Variants in RFX3 observed in about 807,000 individuals in gnomAD.
RFX3 encodes transcription factor RFX3.
Under a neutral mutation model 98.6 loss-of-function variants are expected in RFX3, and 14 were observed. The ratio of observed to expected loss-of-function variants is 0.14; its 90% confidence interval spans 0.09 to 0.22. RFX3 has a LOEUF of 0.22. RFX3 is among the 10% of genes least tolerant of loss of function. The pLI is 1.00. For synonymous variants in RFX3, 383 were observed against 328.4 expected, an observed-to-expected ratio of 1.17 and a Z score of -1.80; for missense variants, 639 against 926.9, an observed-to-expected ratio of 0.69 and a Z score of 4.03.
intron 6 of RFX3, among the ~76,000 whole-genome samples, chr9:3,292,045 G>C (rs539878827): frequency 4.6e-5 from 3 of 65,286 alleles, no homozygotes; most frequent in African/African-American, 1.8e-4. Flanking sequence ...AACAGAAACA[G>C]AGTGAGACTC....
At chr9:3,389,007 G>T (rs1456184651) in intron 2 of RFX3, among the ~76,000 whole-genome samples, 1 of 151,976 alleles carries the variant, frequency 6.6e-6, no homozygotes, top group African/African-American at 2.4e-5. Context: ...AAACTTAAAA[G>T]GGAGGAAAAA....
At chr9:3,394,975 T>G in intron 2 of RFX3, 1 of 319,634 alleles carries the variant, frequency 3.1e-6, no homozygotes, top group Non-Finnish European at 4.5e-6. Context: ...TGAAGATTAT[T>G]CTATTTTCAT....
chr9:3,251,924 C>A (rs1373563999), intron 14 of RFX3, among the ~76,000 whole-genome samples: 2 of 152,028 alleles, frequency 1.3e-5, no homozygotes, highest in African/African-American at 4.8e-5. Flanking sequence ...TCTCAGCTCA[C>A]CGCAACCTCT....
At chr9:3,434,017 A>G (rs1180699521) in intron 1 of RFX3, among the ~76,000 whole-genome samples, 8 of 152,158 alleles carry the variant, frequency 5.3e-5, no homozygotes, top group Admixed American at 5.2e-4. Context: ...CTCAATCTAT[A>G]CTATTTGTAC....
chr9:3,478,597 A>G (rs1180335328), intron 1 of RFX3, among the ~76,000 whole-genome samples: 1 of 152,160 alleles, frequency 6.6e-6, no homozygotes, highest in East Asian at 1.9e-4. Flanking sequence ...TTCAAACTTC[A>G]GGAAGCTTAC....
intron 14 of RFX3, among the ~76,000 whole-genome samples, chr9:3,255,721 T>C (rs1014014778): frequency 6.6e-6 from 1 of 152,228 alleles, no homozygotes; most frequent in African/African-American, 2.4e-5. Context: ...TTAATCTTTG[T>C]GGCCGAGTTA....
chr9:3,509,843 G>A (rs1329215040), intron 1 of RFX3, among the ~76,000 whole-genome samples: 1 of 151,920 alleles, frequency 6.6e-6, no homozygotes, highest in Non-Finnish European at 1.5e-5. Context: ...TTGCGGAGGA[G>A]TGTGGAGGCT....
At chr9:3,399,889 C>T (rs1430727268) in intron 1 of RFX3, among the ~76,000 whole-genome samples, 5 of 149,808 alleles carry the variant, frequency 3.3e-5, no homozygotes, top group Non-Finnish European at 5.9e-5. Flanking sequence ...GCAGAGGTTG[C>T]GGTGAGCCAA....
intron 5 of RFX3, among the ~76,000 whole-genome samples, chr9:3,300,472 A>G (rs969042225): frequency 6.6e-6 from 1 of 151,834 alleles, no homozygotes; most frequent in Non-Finnish European, 1.5e-5. Flanking sequence ...TATAAAATTA[A>G]AATTTTTCAA....
intron 4 of RFX3, among the ~76,000 whole-genome samples, chr9:3,318,393 G>GGATA (rs1830879694): frequency 6.6e-6 from 1 of 151,978 alleles, no homozygotes; most frequent in Non-Finnish European, 1.5e-5. Flanking sequence ...GAGCGGGGAG[G>GGATA]GATAGCATTA....
intron 15 of RFX3, among the ~76,000 whole-genome samples, chr9:3,243,529 T>C (rs1315169819): frequency 1.3e-5 from 2 of 152,136 alleles, no homozygotes; most frequent in Admixed American, 6.6e-5. Context: ...TTAAAGTCAA[T>C]TTAAAAGTAA....
chr9:3,516,842 C>T (rs1818226735), intron 1 of RFX3, among the ~76,000 whole-genome samples: 1 of 152,152 alleles, frequency 6.6e-6, no homozygotes, highest in South Asian at 2.1e-4. Context: ...ATGTCAGACA[C>T]TTGTCTGGCA....
chr9:3,511,394 T>G (rs1208703218), intron 1 of RFX3, among the ~76,000 whole-genome samples: 1 of 151,968 alleles, frequency 6.6e-6, no homozygotes, highest in Non-Finnish European at 1.5e-5. Flanking sequence ...AAAATAAACT[T>G]CTTTCATACC....
chr9:3,440,402 T>C (rs376109658), intron 1 of RFX3, among the ~76,000 whole-genome samples: 2 of 152,046 alleles, frequency 1.3e-5, no homozygotes, highest in African/African-American at 4.8e-5. Context: ...GGTTGCAAGA[T>C]ACAAAATCAA....
intron 1 of RFX3, among the ~76,000 whole-genome samples, chr9:3,520,246 G>A (rs1051889336): frequency 6.6e-6 from 1 of 152,176 alleles, no homozygotes; most frequent in African/African-American, 2.4e-5. Flanking sequence ...TGGATTCTTT[G>A]AGGCAGTCTA....
rs558416356 is a variant in RFX3, at chr9:3,221,590, C to G, written c.*3452G>C. 1 of 152,270 alleles carries G rather than the reference C, an allele frequency of 6.6e-6. No homozygotes were observed. Among genetic ancestry groups the G allele is most frequent in the South Asian group, 2.1e-4 (1 of 4,830 alleles). 9.4% of individuals were successfully genotyped at this position (152,270 alleles called of 1,614,324 possible). A position where few individuals can be genotyped will look rare whatever the true frequency, so the allele number is the denominator to read the frequency against. On this transcript the variant is annotated 3_prime_UTR_variant, in exon 17 of 17. Transcript: ENST00000617270. ...TTCTGAAAAGGCAGTAAGACTTATA[C>G]AGTCAGTCCAAACACAGTTTGGATG...
At chr9:3,345,957 G>T (rs36086495) in intron 3 of RFX3, among the ~76,000 whole-genome samples, 5,831 of 152,252 alleles carry the variant, frequency 0.038, 141 homozygotes, top group Non-Finnish European at 0.053. Context: ...AAGAGTCAGT[G>T]AGAGAACCTG....
chr9:3,355,047 A>G (rs953424959), intron 2 of RFX3, among the ~76,000 whole-genome samples: 2 of 151,878 alleles, frequency 1.3e-5, no homozygotes, highest in Non-Finnish European at 2.9e-5. Context: ...GGTTGAACAC[A>G]GACTGATAAA....
chr9:3,504,022 G>A lies in RFX3; in HGVS notation c.-9+21725C>T, dbSNP rs532315646. Among the ~76,000 whole-genome samples, 11 of 151,092 alleles carry A rather than the reference G, an allele frequency of 7.3e-5. No individual in the cohort carries two copies. In the East Asian group the frequency reaches 2.1e-3, roughly 29 times the overall value. On this transcript the variant is annotated intron_variant, in intron 1 of 16. Transcript: ENST00000617270. ...TTTCCAAAGAGCCTCCAACTTGGAA[G>A]CAGGTAGGGTGGACTTCAAGAATTT...
Sources: allele counts gnomAD v4.1 joint callset (sites outside exome capture counted in the v4.1 genomes callset), GRCh38; gene constraint gnomAD v4.1.1; transcripts MANE v1.5; gene names NCBI Gene and HGNC (gene_info 2026-07-23, HGNC 2026-07-21).